Variants in TMCO4 observed in about 807,000 individuals in gnomAD.
TMCO4 encodes the protein transmembrane and coiled-coil domains 4, also known as transmembrane and coiled-coil domain-containing protein 4.
TMCO4 carries 58 observed loss-of-function variants against 64.7 expected under a neutral mutation model. That is an observed-to-expected ratio of 0.90 (90% CI 0.73 to 1.12). The LOEUF is 1.12. TMCO4 is among the 50% of genes most tolerant of loss of function. The pLI, the probability that TMCO4 is intolerant of heterozygous loss-of-function variation, is 0.00. For synonymous variants in TMCO4, 325 were observed against 346.1 expected (o/e 0.94, Z 0.68); for missense variants, 780 against 825.9 (o/e 0.94, Z 0.68).
At chr1:19,696,000 C>T (rs888066949) in intron 14 of TMCO4, among the ~76,000 whole-genome samples, 21 of 152,136 alleles carry the variant, frequency 1.4e-4, no homozygotes, top group Admixed American at 1.2e-3. Flanking sequence ...TGAGAGCAGG[C>T]AATCCTCCCT....
rs967818934 is a variant in TMCO4 at position 19,691,791 on chromosome 1, G to C, written c.1500+2643C>G. 2.6e-5 allele frequency among the ~76,000 whole-genome samples: 4 copies of C among 152,232 alleles called. No individual in the cohort carries two copies. In the East Asian group the frequency reaches 7.7e-4, roughly 29 times the overall value. ...CCCCACCCAAATCTCATCTTGAATT[G>C]TACTCTCATAAATCCTATGTGTTGT... On this transcript the variant is annotated intron_variant, in intron 15 of 15. Transcript: ENST00000294543.
intron 13 of TMCO4, among the ~76,000 whole-genome samples, chr1:19,713,143 G>C (rs1461914809): frequency 6.6e-6 from 1 of 152,170 alleles, no homozygotes; most frequent in East Asian, 1.9e-4. Flanking sequence ...AAGTCACAAG[G>C]CCAGCCCAGA....
Position 19,739,962 on chromosome 1 carries a change from T to C in TMCO4, c.1043-2A>G. 6.2e-7 allele frequency: 1 copy of C among 1,611,946 alleles called. No homozygotes were observed. Among genetic ancestry groups the C allele is most frequent in the Non-Finnish European group, 8.5e-7 (1 of 1,179,092 alleles). ...GCCAGGTCAGGGCAGCCACAATGCC[T>C]GGGGAGGTGAGATAGTGATGAAGGG... On this transcript the variant is annotated splice_acceptor_variant, in intron 11 of 15. Coordinates refer to ENST00000294543, the MANE Select transcript of TMCO4 (RefSeq NM_181719.7). LOFTEE classifies it high-confidence loss of function.
intron 6 of TMCO4, among the ~76,000 whole-genome samples, chr1:19,761,051 T>G (rs2042480938): frequency 6.6e-6 from 1 of 152,252 alleles, no homozygotes; most frequent in Non-Finnish European, 1.5e-5. Context: ...CTGCACGTAT[T>G]GGCTTATTGA....
intron 3 of TMCO4, among the ~76,000 whole-genome samples, chr1:19,784,507 C>A (rs1038147454): frequency 1.3e-5 from 2 of 152,140 alleles, no homozygotes; most frequent in African/African-American, 4.8e-5. Flanking sequence ...GCACTCCAGT[C>A]TGGACAACAG....
intron 6 of TMCO4, among the ~76,000 whole-genome samples, chr1:19,756,182 G>A (rs748273495): frequency 1.3e-5 from 2 of 152,178 alleles, no homozygotes; most frequent in African/African-American, 2.4e-5. Flanking sequence ...CTAGGAGGTT[G>A]AGGCTGCAGT....
At chr1:19,700,955 G>C (rs1372077149) in intron 13 of TMCO4, 70 bp from the exon 14 acceptor site, 7 of 1,213,474 alleles carry the variant, frequency 5.8e-6, no homozygotes, top group Non-Finnish European at 8.5e-6. Flanking sequence ...GACTCCAACA[G>C]CAGTGGAGGA....
chr1:19,707,710 C>T (rs1557486092), intron 13 of TMCO4, among the ~76,000 whole-genome samples: 1 of 152,188 alleles, frequency 6.6e-6, no homozygotes, highest in African/African-American at 2.4e-5. Context: ...TTGTATTAGT[C>T]CATTTTCACA....
chr1:19,731,631 C>T (rs922490755), intron 13 of TMCO4, among the ~76,000 whole-genome samples: 1 of 152,266 alleles, frequency 6.6e-6, no homozygotes, highest in Non-Finnish European at 1.5e-5. Context: ...CCGCGTCCTG[C>T]AAGCGCCTGG....
chr1:19,772,941 A>G (rs189175193), intron 4 of TMCO4, among the ~76,000 whole-genome samples: 13 of 152,286 alleles, frequency 8.5e-5, no homozygotes, highest in East Asian at 1.9e-4. Context: ...TGTAATCCCA[A>G]CGCTTTGAGA....
chr1:19,758,279 A>T (rs948810020), intron 6 of TMCO4, among the ~76,000 whole-genome samples: 1 of 151,844 alleles, frequency 6.6e-6, no homozygotes, highest in African/African-American at 2.4e-5. Flanking sequence ...TGCTGGGGAC[A>T]GACACCACAT....
chr1:19,797,707 T>C (rs2044378226), intron 2 of TMCO4, among the ~76,000 whole-genome samples: 2 of 151,546 alleles, frequency 1.3e-5, no homozygotes, highest in Admixed American at 1.3e-4. Flanking sequence ...TCTACTAAAA[T>C]ACAAAAATCA....
Position 19,730,364 on chromosome 1 carries a change from T to A in TMCO4, c.1264+7008A>T, listed in dbSNP as rs1023484295. 2.6e-5 allele frequency among the ~76,000 whole-genome samples: 4 copies of A among 152,358 alleles called. No individual in the cohort carries two copies. The East Asian group carries it at 7.7e-4, about 29-fold the overall frequency. On this transcript the variant is annotated intron_variant, in intron 13 of 15. Coordinates refer to ENST00000294543, the MANE Select transcript of TMCO4 (RefSeq NM_181719.7). ...ATGAGTGAGAAATGAACCTTTGTTG[T>A]ATCACACCTCTGCAATATTGGGGAT...
At chr1:19,790,117 C>T (rs2043956875) in intron 2 of TMCO4, among the ~76,000 whole-genome samples, 1 of 150,538 alleles carries the variant, frequency 6.6e-6, no homozygotes. Flanking sequence ...AACTGGCTAG[C>T]CGTATGCAGA....
At chr1:19,781,985 T>C (rs759805043) in intron 3 of TMCO4, among the ~76,000 whole-genome samples, 5 of 152,222 alleles carry the variant, frequency 3.3e-5, no homozygotes, top group Non-Finnish European at 7.3e-5. Context: ...GGAGTGTACA[T>C]TGGTATAACT....
chr1:19,740,822 C>T lies in TMCO4; in HGVS notation c.997G>A (p.Ala333Thr), dbSNP rs778273104. The T allele has an allele frequency of 1.5e-5, 24 of 1,613,946 alleles. No individual in the cohort carries two copies. The highest frequency in any genetic ancestry group is 1.9e-5 in the Non-Finnish European group (22 of 1,179,910). Residue 333 changes from alanine to threonine, a missense_variant, in exon 11 of 16, where the codon GCC (alanine) becomes ACC (threonine). Coordinates refer to ENST00000294543, the MANE Select transcript of TMCO4 (RefSeq NM_181719.7). ...NALETILSGL[A>T]NMVAQEALKY... The stretch of plus-strand genomic sequence containing the variant: ...AGGGCCTCCTGGGCCACCATGTTGG[C>T]GAGACCACTGAGGATGGTCTCCAGG...
rs1054056948 is a variant in TMCO4, at chr1:19,732,874, C to T, written c.1264+4498G>A. Among the ~76,000 whole-genome samples the T allele has an allele frequency of 7.2e-5, 11 of 152,114 alleles. No homozygotes were observed. The highest frequency in any genetic ancestry group is 2.1e-4 in the South Asian group (1 of 4,824). The stretch of plus-strand genomic sequence containing the variant: ...CAGATTCTTGTTATTTGGAAGGCTT[C>T]GGATCCTAGTTTCTTCTTCTTTTAA... On this transcript the variant is annotated intron_variant, in intron 13 of 15. Transcript: ENST00000294543. This position sits in a 1 kb window ranked among gnomAD's most constrained non-coding sequence, Gnocchi z 4.8.
At chr1:19,775,270 T>G (rs1473461330) in intron 4 of TMCO4, among the ~76,000 whole-genome samples, 1 of 152,184 alleles carries the variant, frequency 6.6e-6, no homozygotes, top group Admixed American at 6.5e-5. Flanking sequence ...CGCCATGAGA[T>G]TTCACCATGT....
intron 7 of TMCO4, among the ~76,000 whole-genome samples, chr1:19,750,531 G>C (rs1557565323): frequency 6.6e-6 from 1 of 152,210 alleles, no homozygotes; most frequent in Non-Finnish European, 1.5e-5. Flanking sequence ...CCAATGCCAA[G>C]TATTAATAGA....
Sources: gnomAD v4.1 joint callset for allele counts (sites outside exome capture counted in the v4.1 genomes callset) on GRCh38, gnomAD v4.1.1 for gene constraint, Gnocchi (gnomAD v3.1) non-coding constraint, MANE v1.5 for transcripts, NCBI Gene and HGNC (gene_info 2026-07-23, HGNC 2026-07-21) for gene names.